The following CNGB3 variants were observed in gnomAD, a reference collection of about 807,000 sequenced individuals.
The protein encoded by CNGB3 is cyclic nucleotide-gated channel beta-3.
A neutral mutation model predicts 92.8 loss-of-function variants in CNGB3; 86 were observed. The observed-to-expected ratio is 0.93, with a 90% confidence interval of 0.78 to 1.11. The LOEUF (loss-of-function observed/expected upper bound fraction) is 1.11. Among genes scored for constraint, CNGB3 ranks in the 50% least tolerant of loss-of-function variants. CNGB3 has a pLI of 0.00. For synonymous variants in CNGB3, 333 were observed against 332.7 expected, an observed-to-expected ratio of 1.00 and a Z score of -0.01; for missense variants, 1,026 against 956.8, an observed-to-expected ratio of 1.07 and a Z score of -0.95.
chr8:86,738,527 G>A (rs918394863), intron 2 of CNGB3, among the ~76,000 whole-genome samples: 2 of 152,122 alleles, frequency 1.3e-5, no homozygotes, highest in African/African-American at 4.8e-5. Context: ...GAGCCAGGAT[G>A]GTATTGCTGA....
In CNGB3 at chr8:86,658,477, C is replaced by T. The variant is rs1024567297; in HGVS notation, c.853-4415G>A. On this transcript the variant is annotated intron_variant, in intron 6 of 17. Transcript: ENST00000320005. ...AACCCTTGGCAGGCCATCTTGGCCA[C>T]GACTTTGCCCTGAGCTTCCTCCTGC... 13 of 408,708 alleles carry T rather than the reference C, an allele frequency of 3.2e-5. No homozygotes were observed. The East Asian group carries it at 6.4e-4, about 20-fold the overall frequency. 25.3% of individuals were successfully genotyped at this position (408,708 alleles called of 1,614,324 possible).
At chr8:86,687,488 T>A (rs1449184668) in intron 3 of CNGB3, among the ~76,000 whole-genome samples, 1 of 151,990 alleles carries the variant, frequency 6.6e-6, no homozygotes, top group African/African-American at 2.4e-5. Flanking sequence ...AACAGACAAG[T>A]TCATAGAGAC....
In CNGB3 at chr8:86,726,571, C is replaced by T. The variant is rs1286136590; in HGVS notation, c.298G>A (p.Glu100Lys). 2 of 1,613,730 alleles carry T rather than the reference C, an allele frequency of 1.2e-6. No individual in the cohort carries two copies. The highest frequency in any genetic ancestry group is 1.7e-6 in the Non-Finnish European group (2 of 1,179,836). ...NAAEPTGTVP[E>K]QKEMDPGKEG... is the part of the protein sequence containing the mutation. ...TTCCCGGGGTCCATTTCCTTCTGCT[C>T]TGGCACTGTTCCAGTTGGTTCTGCT... The change falls in exon 3 of 18, where the codon GAG becomes AAG. Residue 100 changes from glutamate to lysine, a missense_variant. Glu to Lys is a moderately conservative substitution (Grantham distance 56). Transcript: ENST00000320005.
chr8:86,684,789 TAAC>T (rs1288638348), intron 3 of CNGB3, among the ~76,000 whole-genome samples: 1 of 152,012 alleles, frequency 6.6e-6, no homozygotes, highest in African/African-American at 2.4e-5. Context: ...ATTTTTGAAA[TAAC>T]AAAATTGTAG....
rs565512880 is a variant in CNGB3, at chr8:86,684,641, A to G, written c.339-13543T>C. 8.4e-4 allele frequency among the ~76,000 whole-genome samples: 123 copies of G among 146,230 alleles called. 1 individual carries two copies. The highest frequency in any genetic ancestry group is 1.3e-3 in the Non-Finnish European group (87 of 67,136). ...GGTTAAACTGTGGTAAGTTCATGTC[A>G]TGGAATACTTAAGCCAAAAAAAAAA... On this transcript the variant is annotated intron_variant, in intron 3 of 17. Transcript: ENST00000320005.
At chr8:86,585,101 C>G (rs1483481593) in intron 15 of CNGB3, among the ~76,000 whole-genome samples, 1 of 152,016 alleles carries the variant, frequency 6.6e-6, no homozygotes, top group Non-Finnish European at 1.5e-5. Flanking sequence ...AAGTTGAGTA[C>G]TAGTGTGCCA....
Position 86,602,009 on chromosome 8 carries a change from C to T in CNGB3, c.1781+2084G>A, listed in dbSNP as rs568009194. Among the ~76,000 whole-genome samples, 5 of 152,288 alleles carry T rather than the reference C, an allele frequency of 3.3e-5. No homozygotes were observed. The East Asian group carries it at 7.7e-4, about 23-fold the overall frequency. On this transcript the variant is annotated intron_variant, in intron 15 of 17. Coordinates refer to ENST00000320005, the MANE Select transcript of CNGB3 (RefSeq NM_019098.5). The stretch of plus-strand genomic sequence containing the variant: ...GTATTTCCTCCTGTGATGATAATAT[C>T]AGCAATTAACATACTTGTATTTATA...
chr8:86,658,478 G>A lies in CNGB3; in HGVS notation c.853-4416C>T, dbSNP rs886463612. The A allele has an allele frequency of 1.7e-5, 7 of 410,210 alleles. 1 individual carries two copies. The highest frequency in any genetic ancestry group is 8.8e-5 in the Admixed American group (3 of 34,100). The allele number at this position is 410,210 out of a possible 1,614,324, so 25.4% of individuals were successfully genotyped here. ...ACCCTTGGCAGGCCATCTTGGCCAC[G>A]ACTTTGCCCTGAGCTTCCTCCTGCT... On this transcript the variant is annotated intron_variant, in intron 6 of 17. Coordinates refer to ENST00000320005, the MANE Select transcript of CNGB3 (RefSeq NM_019098.5).
chr8:86,734,755 C>A (rs1471000504), intron 2 of CNGB3, among the ~76,000 whole-genome samples: 1 of 152,204 alleles, frequency 6.6e-6, no homozygotes, highest in Non-Finnish European at 1.5e-5. Context: ...GTGACAGTGA[C>A]TAGCAGAGCT....
intron 3 of CNGB3, among the ~76,000 whole-genome samples, chr8:86,681,291 C>G (rs1219254222): frequency 2.0e-5 from 3 of 151,882 alleles, no homozygotes; most frequent in Admixed American, 2.0e-4. Flanking sequence ...ATTTGATTAT[C>G]CAAAAAACAA....
At chr8:86,640,133 T>A (rs1157590486) in intron 10 of CNGB3, among the ~76,000 whole-genome samples, 2 of 152,062 alleles carry the variant, frequency 1.3e-5, no homozygotes, top group African/African-American at 4.8e-5. Flanking sequence ...GACCTGTCAA[T>A]AATTATGTTT....
intron 10 of CNGB3, among the ~76,000 whole-genome samples, chr8:86,638,550 T>C (rs1284347146): frequency 2.6e-5 from 4 of 152,136 alleles, no homozygotes; most frequent in African/African-American, 9.6e-5. Flanking sequence ...TTCTGTAAAC[T>C]TATTACTGGA....
chr8:86,652,533 A>G (rs951000012), intron 7 of CNGB3, among the ~76,000 whole-genome samples: 1 of 152,006 alleles, frequency 6.6e-6, no homozygotes, highest in African/African-American at 2.4e-5. Flanking sequence ...ATACAAAAGT[A>G]TTTTCATTAT....
chr8:86,661,683 C>A (rs927508453), intron 6 of CNGB3: 2 of 1,065,878 alleles, frequency 1.9e-6, no homozygotes, highest in Non-Finnish European at 1.5e-6. Context: ...TCTTCCTCTT[C>A]TTCTGAAGTC....
chr8:86,734,597 T>A (rs1825212788), intron 2 of CNGB3, among the ~76,000 whole-genome samples: 1 of 152,208 alleles, frequency 6.6e-6, no homozygotes, highest in Non-Finnish European at 1.5e-5. Context: ...AAGAATTCAG[T>A]TATGTGTTCC....
intron 2 of CNGB3, among the ~76,000 whole-genome samples, chr8:86,729,957 C>T (rs147641213): frequency 2.9e-4 from 44 of 152,332 alleles, no homozygotes; most frequent in Middle Eastern, 6.8e-3. Flanking sequence ...ATTGCCAGAG[C>T]TCATCAGTAC....
intron 10 of CNGB3, among the ~76,000 whole-genome samples, chr8:86,640,081 G>C (rs1245538463): frequency 6.6e-6 from 1 of 151,922 alleles, no homozygotes; most frequent in Non-Finnish European, 1.5e-5. Context: ...CTTGTTATTT[G>C]GGTTATCAAA....
intron 2 of CNGB3, among the ~76,000 whole-genome samples, chr8:86,739,114 T>C (rs757489050): frequency 2.0e-5 from 3 of 151,990 alleles, no homozygotes; most frequent in Non-Finnish European, 2.9e-5. Flanking sequence ...TTGAAAAATA[T>C]TGAGTCTTAA....
intron 7 of CNGB3, among the ~76,000 whole-genome samples, chr8:86,652,418 A>G (rs1449003088): frequency 6.6e-6 from 1 of 151,978 alleles, no homozygotes; most frequent in African/African-American, 2.4e-5. Flanking sequence ...ATAATAAAGT[A>G]AACCTAGCTC....
Sources: allele counts gnomAD v4.1 joint callset (sites outside exome capture counted in the v4.1 genomes callset), GRCh38; gene constraint gnomAD v4.1.1; transcripts MANE v1.5; gene names NCBI Gene and HGNC (gene_info 2026-07-23, HGNC 2026-07-21).